Variants in LGR4 observed in about 807,000 individuals in gnomAD.
The protein encoded by LGR4 is leucine-rich repeat-containing G protein-coupled receptor 4.
A neutral mutation model predicts 84.8 loss-of-function variants in LGR4; 44 were observed. That is an observed-to-expected ratio of 0.52 (90% CI 0.41 to 0.67). LGR4 has a LOEUF of 0.67. Ranked by LOEUF, LGR4 falls within the 30% of genes least tolerant of loss-of-function variation. The probability of loss-of-function intolerance (pLI) is 0.00; values close to 1 mark genes in which losing one functional copy is unlikely to be tolerated. For synonymous variants in LGR4, 429 were observed against 434.3 expected (o/e 0.99, Z 0.15); for missense variants, 1,032 against 1,131.4 (o/e 0.91, Z 1.26).
chr11:27,446,929 G>A (rs1374651541), intron 1 of LGR4, among the ~76,000 whole-genome samples: 28 of 151,752 alleles, frequency 1.8e-4, no homozygotes, highest in Non-Finnish European at 3.1e-4. Flanking sequence ...GCAAACTATC[G>A]CAAGGACAGA....
chr11:27,373,929 C>T, intron 14 of LGR4, 46 bp downstream of exon 14: 1 of 1,275,324 alleles, frequency 7.8e-7, no homozygotes. Context: ...GTTTCTATAG[C>T]ACTAGTTACT....
In LGR4 at chr11:27,366,344, T is replaced by C. The variant is rs1056541520; in HGVS notation, c.*1523A>G. ...AAGACTATTTACAATGCAAAAAGTA[T>C]ATAAACCACAATTTAACAGTCTGCT... is the stretch of plus-strand genomic sequence containing the variant. On this transcript the variant is annotated 3_prime_UTR_variant, in exon 18 of 18. Transcript: ENST00000379214. The C allele has an allele frequency of 2.0e-5, 3 of 152,586 alleles. No homozygotes were observed. Among genetic ancestry groups the C allele is most frequent in the Non-Finnish European group, 4.4e-5 (3 of 67,976 alleles). 9.5% of individuals were successfully genotyped at this position (152,586 alleles called of 1,614,324 possible). A position where few individuals can be genotyped will look rare whatever the true frequency, so the allele number is the denominator to read the frequency against.
intron 2 of LGR4, among the ~76,000 whole-genome samples, chr11:27,398,885 T>C (rs888577431): frequency 3.3e-5 from 5 of 152,132 alleles, no homozygotes; most frequent in Non-Finnish European, 7.4e-5. Flanking sequence ...CAATGTTTTC[T>C]CCTCTTCCTC....
chr11:27,375,913 G>A (rs996423477), intron 13 of LGR4, among the ~76,000 whole-genome samples: 6 of 137,714 alleles, frequency 4.4e-5, no homozygotes, highest in Admixed American at 7.0e-5. Flanking sequence ...TAAAAATCTT[G>A]CAATGTCTAA....
Position 27,463,892 on chromosome 11 carries a change from C to T in LGR4, c.185+8226G>A, listed in dbSNP as rs72889562. ...ACTCTGATTAAATTAAGTAAGAATT[C>T]CGCGTACACTTCAACTTGTGTGAGA... On this transcript the variant is annotated intron_variant, in intron 1 of 17. Transcript: ENST00000379214. Among the ~76,000 whole-genome samples, 1,202 of 152,280 alleles carry T rather than the reference C, an allele frequency of 7.9e-3. 11 individuals are homozygous for T. Among genetic ancestry groups the T allele is most frequent in the Middle Eastern group, 0.044 (13 of 294 alleles).
rs1864909143 is a variant in LGR4, at chr11:27,472,764, CT to C, written c.-463del. The C allele has an allele frequency of 2.9e-6, 1 of 342,626 alleles. No homozygotes were observed. Among genetic ancestry groups the C allele is most frequent in the Non-Finnish European group, 5.2e-6 (1 of 190,672 alleles). The allele number at this position is 342,626 out of a possible 1,614,324, so 21.2% of individuals were successfully genotyped here. On this transcript the variant is annotated 5_prime_UTR_variant, in exon 1 of 18. Coordinates refer to ENST00000379214, the MANE Select transcript of LGR4 (RefSeq NM_018490.5). ...AGCCGCGGCTCAATCTCTTCCCGTCCTTTTCCCTTCTAGGGTTGCACGCTCT... is the reference window on the plus strand; with the variant it reads ...AGCCGCGGCTCAATCTCTTCCCGTCCTTTCCCTTCTAGGGTTGCACGCTCT...
intron 11 of LGR4, among the ~76,000 whole-genome samples, chr11:27,377,691 T>C (rs1022063933): frequency 6.6e-6 from 1 of 152,152 alleles, no homozygotes; most frequent in Non-Finnish European, 1.5e-5. Context: ...ATGGTATGCT[T>C]ATCAACATTT....
At chr11:27,432,580 T>A (rs755729146) in intron 1 of LGR4, among the ~76,000 whole-genome samples, 8 of 152,106 alleles carry the variant, frequency 5.3e-5, no homozygotes, top group Non-Finnish European at 1.2e-4. Flanking sequence ...ACGAAGAAGT[T>A]CTGGATATAC....
intron 12 of LGR4, among the ~76,000 whole-genome samples, chr11:27,376,728 A>T (rs1862991081): frequency 1.3e-5 from 2 of 152,176 alleles, no homozygotes; most frequent in South Asian, 4.1e-4. Flanking sequence ...AGACAACACA[A>T]CTATGACAAA....
chr11:27,369,903 T>C (rs3782109), intron 17 of LGR4, among the ~76,000 whole-genome samples: 36,512 of 152,076 alleles, frequency 0.24, 5,608 homozygotes, highest in East Asian at 0.45. Context: ...TAAGATAATA[T>C]AGCTAGGACT....
chr11:27,441,793 G>T (rs553183734), intron 1 of LGR4, among the ~76,000 whole-genome samples: 1 of 152,202 alleles, frequency 6.6e-6, no homozygotes, highest in Non-Finnish European at 1.5e-5. Flanking sequence ...AGAGGCAAAA[G>T]TGTCAAAAGG....
In LGR4 at chr11:27,412,834, T is replaced by C; in HGVS notation, c.212A>G (p.Gln71Arg). Residue 71 changes from glutamine (Q) to arginine (R), a missense_variant, in exon 2 of 18, where the codon CAG becomes CGG. By Grantham distance (43) the Gln-to-Arg change is conservative. Transcript: ENST00000379214. ...ALDISMNNIT[Q>R]LPEDAFKNFP... ...GTTCTTAAATGCATCTTCTGGCAAC[T>C]GAGTAATGTTGTTCATACTGATATC... 2 of 1,602,872 alleles carry C rather than the reference T, an allele frequency of 1.2e-6. No homozygotes were observed. Among genetic ancestry groups the C allele is most frequent in the Non-Finnish European group, 1.7e-6 (2 of 1,170,352 alleles).
intron 1 of LGR4, among the ~76,000 whole-genome samples, chr11:27,432,669 C>CCTT (rs1321618556): frequency 6.6e-6 from 1 of 152,170 alleles, no homozygotes; most frequent in Non-Finnish European, 1.5e-5. Context: ...GCTGACAAGC[C>CCTT]TAAGATCTTA....
Position 27,367,926 on chromosome 11 carries a change from G to T in LGR4, c.2797C>A (p.Gln933Lys), listed in dbSNP as rs1862799054. Residue 933 changes from glutamine (Q) to lysine (K), a missense_variant, in exon 18 of 18, where the codon CAG (glutamine) becomes AAG (lysine). Coordinates refer to ENST00000379214, the MANE Select transcript of LGR4 (RefSeq NM_018490.5). ...VQACGRACFY[Q>K]SRGFPLVRYA... ...CGCACCAAAGGGAATCCTCTACTCT[G>T]GTAGAAGCAGGCTCGTCCACAGGCC... 1.9e-6 allele frequency: 3 copies of T among 1,612,394 alleles called. No individual in the cohort carries two copies. The highest frequency in any genetic ancestry group is 1.3e-5 in the African/African-American group (1 of 74,892).
chr11:27,471,377 T>C (rs1864868935), intron 1 of LGR4, among the ~76,000 whole-genome samples: 1 of 152,196 alleles, frequency 6.6e-6, no homozygotes, highest in South Asian at 2.1e-4. Flanking sequence ...TCTTCCAACA[T>C]CCTGCACCTC....
Position 27,472,565 on chromosome 11 carries a change from C to G in LGR4, c.-263G>C, listed in dbSNP as rs1864901741. 5.3e-6 allele frequency: 2 copies of G among 380,612 alleles called. No individual in the cohort carries two copies. Among genetic ancestry groups the G allele is most frequent in the Non-Finnish European group, 9.3e-6 (2 of 214,392 alleles). The allele number at this position is 380,612 out of a possible 1,614,324, so 23.6% of individuals were successfully genotyped here. A position where few individuals can be genotyped will look rare whatever the true frequency, so the allele number is the denominator to read the frequency against. ...GGCGGCTCACGCCAGCCGGGCCGGC[C>G]CGGCGCAGCGGCGGGGGCCGCGCTC... On this transcript the variant is annotated 5_prime_UTR_variant, in exon 1 of 18. Coordinates refer to ENST00000379214, the MANE Select transcript of LGR4 (RefSeq NM_018490.5).
intron 2 of LGR4, among the ~76,000 whole-genome samples, chr11:27,392,868 T>G (rs1162693182): frequency 6.6e-6 from 1 of 152,166 alleles, no homozygotes. Context: ...ACAAGACTAC[T>G]GGTCAGCAGG....
intron 1 of LGR4, among the ~76,000 whole-genome samples, chr11:27,434,802 T>G (rs1442622439): frequency 6.6e-6 from 1 of 152,154 alleles, no homozygotes; most frequent in Non-Finnish European, 1.5e-5. Flanking sequence ...AGCACATTTA[T>G]AAAACAACTC....
Position 27,367,445 on chromosome 11 carries a change from G to C in LGR4, c.*422C>G, listed in dbSNP as rs1212795652. On this transcript the variant is annotated 3_prime_UTR_variant, in exon 18 of 18. Transcript: ENST00000379214. ...TCCTGAGATTAAGGATGAAACATTAGGTAAAATTAGCAAGATATTTTCTTC... is the reference window on the plus strand; with the variant it reads ...TCCTGAGATTAAGGATGAAACATTACGTAAAATTAGCAAGATATTTTCTTC... The C allele has an allele frequency of 1.3e-5, 2 of 154,546 alleles. No homozygotes were observed. The highest frequency in any genetic ancestry group is 4.8e-5 in the African/African-American group (2 of 41,378). The allele number at this position is 154,546 out of a possible 1,614,324, so 9.6% of individuals were successfully genotyped here.
Sources: allele counts gnomAD v4.1 joint callset (sites outside exome capture counted in the v4.1 genomes callset), GRCh38; gene constraint gnomAD v4.1.1; transcripts MANE v1.5; gene names NCBI Gene and HGNC (gene_info 2026-07-23, HGNC 2026-07-21).